The following CCDC93 variants were observed in gnomAD, a reference collection of about 807,000 sequenced individuals.
CCDC93 encodes the protein coiled-coil domain-containing protein 93.
Under a neutral mutation model 108.2 loss-of-function variants are expected in CCDC93, and 61 were observed. That is an observed-to-expected ratio of 0.56 (90% CI 0.46 to 0.70). The LOEUF is 0.70. Ranked by LOEUF, CCDC93 falls within the 30% of genes least tolerant of loss-of-function variation. CCDC93 has a pLI of 0.00. For missense variants in CCDC93, 685 were observed against 764.2 expected (o/e 0.90, Z 1.22); for synonymous variants, 276 against 260.4 (o/e 1.06, Z -0.58).
At chr2:117,982,260 C>T (rs1680169751) in intron 7 of CCDC93, among the ~76,000 whole-genome samples, 12 of 152,082 alleles carry the variant, frequency 7.9e-5, no homozygotes, top group Admixed American at 7.9e-4. Flanking sequence ...ATATATGGCA[C>T]ATAAAATGCA....
intron 6 of CCDC93, among the ~76,000 whole-genome samples, chr2:117,989,385 C>T (rs1680411269): frequency 6.6e-6 from 1 of 152,130 alleles, no homozygotes; most frequent in Non-Finnish European, 1.5e-5. Context: ...TGGATGGTCT[C>T]ATGGTATAAG....
At chr2:117,966,173 TC>T (rs1293017833) in intron 11 of CCDC93, among the ~76,000 whole-genome samples, 24 of 152,194 alleles carry the variant, frequency 1.6e-4, no homozygotes, top group Admixed American at 1.3e-3. Context: ...AGAAAAGTAA[TC>T]CCTGTCTCCT....
At chr2:117,953,435 T>A (rs1679122495) in intron 12 of CCDC93, among the ~76,000 whole-genome samples, 1 of 152,202 alleles carries the variant, frequency 6.6e-6, no homozygotes, top group Non-Finnish European at 1.5e-5. Flanking sequence ...GAGCCATCTG[T>A]GCAATGACAA....
chr2:117,939,856 A>G (rs3755494), intron 19 of CCDC93, among the ~76,000 whole-genome samples: 59,098 of 152,004 alleles, frequency 0.39, 12,148 homozygotes, highest in East Asian at 0.68. Flanking sequence ...TAATGGCACT[A>G]TGGACTCAGG....
chr2:117,972,280 A>G (rs1186499382), intron 11 of CCDC93, among the ~76,000 whole-genome samples: 3 of 152,236 alleles, frequency 2.0e-5, no homozygotes, highest in Non-Finnish European at 4.4e-5. Flanking sequence ...ACTCTTTTCT[A>G]GAAGAATGGA....
intron 6 of CCDC93, among the ~76,000 whole-genome samples, chr2:117,988,661 T>C (rs1680389805): frequency 6.6e-6 from 1 of 152,206 alleles, no homozygotes; most frequent in African/African-American, 2.4e-5. Context: ...AAGTGCAATG[T>C]CCTGAAAGAT....
At chr2:117,987,622 A>G (rs1480586108) in intron 6 of CCDC93, among the ~76,000 whole-genome samples, 2 of 152,194 alleles carry the variant, frequency 1.3e-5, no homozygotes, top group Non-Finnish European at 2.9e-5. Context: ...CTGTATCTAT[A>G]AAATGAAGTT....
intron 19 of CCDC93, among the ~76,000 whole-genome samples, 197 bp downstream of exon 19, chr2:117,940,992 T>C (rs1205588569): frequency 1.3e-5 from 2 of 152,334 alleles, no homozygotes; most frequent in East Asian, 3.9e-4. Flanking sequence ...TTCAACTATC[T>C]GTCCACGGAG....
At position 117,975,285 on chromosome 2, in the gene CCDC93, A is replaced by C; in HGVS notation, c.658-5T>G. ...TGCCGTTTTCTTGTCCTCAGCCTGC[A>C]AGGGAAGATGTGAAAACAGCTGAGC... On this transcript the variant is annotated splice_polypyrimidine_tract_variant and splice_region_variant and intron_variant, in intron 8 of 23. Transcript: ENST00000376300. 1 of 1,609,942 alleles carries C rather than the reference A, an allele frequency of 6.2e-7. No individual in the cohort carries two copies. Among genetic ancestry groups the C allele is most frequent in the Non-Finnish European group, 8.5e-7 (1 of 1,177,908 alleles).
chr2:117,927,328 T>C (rs1678149076), intron 23 of CCDC93, among the ~76,000 whole-genome samples: 1 of 152,168 alleles, frequency 6.6e-6, no homozygotes, highest in African/African-American at 2.4e-5. Context: ...AGAAGTCAAA[T>C]TGTCCCTGTT....
At chr2:118,001,155 A>T (rs889818113) in intron 3 of CCDC93, 18 of 410,708 alleles carry the variant, frequency 4.4e-5, no homozygotes, top group Non-Finnish European at 6.9e-5. Flanking sequence ...TTTATTCTAT[A>T]ATGTTTTTCT....
Position 117,952,282 on chromosome 2 carries a change from A to G in CCDC93, c.1068+91T>C. ...GAACAGGATCGTGTCTCCCACACACAGACCGATGAAACACATCATTCCATT... is the reference window on the plus strand; with the variant it reads ...GAACAGGATCGTGTCTCCCACACACGGACCGATGAAACACATCATTCCATT... On this transcript the variant is annotated intron_variant, in intron 13 of 23. Coordinates refer to ENST00000376300, the MANE Select transcript of CCDC93 (RefSeq NM_019044.5). 3.4e-6 allele frequency: 3 copies of G among 881,726 alleles called. No individual in the cohort carries two copies. The South Asian group carries it at 4.0e-5, about 12-fold the overall frequency. 54.6% of individuals were successfully genotyped at this position (881,726 alleles called of 1,614,324 possible).
At chr2:117,950,463 C>T (rs537603222) in intron 13 of CCDC93, 255 of 985,422 alleles carry the variant, frequency 2.6e-4, no homozygotes, top group Non-Finnish European at 3.0e-4. Context: ...CAGCCTCCCC[C>T]ACAGGTGTCA....
At position 117,973,966 on chromosome 2, in the gene CCDC93, T is replaced by A; in HGVS notation, c.830A>T (p.Gln277Leu). The A allele has an allele frequency of 6.2e-7, 1 of 1,612,024 alleles. No homozygotes were observed. The highest frequency in any genetic ancestry group is 8.5e-7 in the Non-Finnish European group (1 of 1,179,062). ...ESRLTASSVG[Q>L]IVGLCSAEIK... ...CTCAGCAGAGCAGAGTCCCACAATCTGGCCCACGGAGCTTGCGGTGAGACG... is the reference window on the plus strand; with the variant it reads ...CTCAGCAGAGCAGAGTCCCACAATCAGGCCCACGGAGCTTGCGGTGAGACG... The change falls in exon 11 of 24, where the codon CAG (glutamine) becomes CTG (leucine). Residue 277 changes from glutamine (Q) to leucine (L), a missense_variant. By Grantham distance (113) the Gln-to-Leu change is moderately radical (BLOSUM62 -2). Coordinates refer to ENST00000376300, the MANE Select transcript of CCDC93 (RefSeq NM_019044.5).
At chr2:117,995,569 G>GTT in intron 5 of CCDC93, 67 bp from the exon 6 acceptor site, 1 of 1,063,672 alleles carries the variant, frequency 9.4e-7, no homozygotes, top group Non-Finnish European at 1.3e-6. Context: ...GGACCACTCA[G>GTT]ATATGTCTTA....
rs1160273219 is a variant in CCDC93 at position 118,008,567 on chromosome 2, T to G, written c.134A>C (p.Lys45Thr). The G allele has an allele frequency of 6.2e-7, 1 of 1,609,214 alleles. No homozygotes were observed. Among genetic ancestry groups the G allele is most frequent in the Non-Finnish European group, 8.5e-7 (1 of 1,175,742 alleles). The change falls in exon 2 of 24, where the codon AAA becomes ACA. Residue 45 changes from lysine (K) to threonine (T), a missense_variant. Lys to Thr is a moderately conservative substitution (Grantham distance 78). Coordinates refer to ENST00000376300, the MANE Select transcript of CCDC93 (RefSeq NM_019044.5). ...VAAGYFRARI[K>T]GLSPFDKVVG... ...TACCTTGTCAAAGGGTGATAAGCCT[T>G]TAATTCTTGCCCTGAAATACCCAGC...
intron 3 of CCDC93, chr2:118,001,169 T>G: frequency 5.0e-6 from 2 of 396,916 alleles, no homozygotes; most frequent in South Asian, 1.2e-4. Flanking sequence ...TTTTTCTTCC[T>G]ACTTTTTTGG....
At chr2:117,946,924 G>C in intron 15 of CCDC93, 42 bp from the exon 16 acceptor site, 3 of 1,336,422 alleles carry the variant, frequency 2.2e-6, no homozygotes, top group Non-Finnish European at 3.2e-6. Flanking sequence ...CAGACAAGGA[G>C]TAATTAGACG....
chr2:117,980,324 T>A (rs1680078014), intron 7 of CCDC93, among the ~76,000 whole-genome samples: 1 of 152,210 alleles, frequency 6.6e-6, no homozygotes. Flanking sequence ...AGTTTCCCAC[T>A]CCTATAGTGT....
Sources: allele counts gnomAD v4.1 joint callset (sites outside exome capture counted in the v4.1 genomes callset), GRCh38; gene constraint gnomAD v4.1.1; transcripts MANE v1.5; gene names NCBI Gene and HGNC (gene_info 2026-07-23, HGNC 2026-07-21).